SLC35F4: variants seen among roughly 807,000 people sequenced by gnomAD.
SLC35F4 encodes the protein chromosome 14 open reading frame 36.
A neutral mutation model predicts 44.2 loss-of-function variants in SLC35F4; 24 were observed. That is an observed-to-expected ratio of 0.54 (90% confidence interval 0.39 to 0.76). The LOEUF is 0.76. Among genes scored for constraint, SLC35F4 ranks in the 30% least tolerant of loss-of-function variants. The pLI is 0.00. For missense variants in SLC35F4, 562 were observed against 586.1 expected (o/e 0.96, Z 0.42); for synonymous variants, 238 against 223.6 (o/e 1.06, Z -0.57).
chr14:57,914,110 C>T (rs1889269926), intron 1 of SLC35F4, among the ~76,000 whole-genome samples: 2 of 152,096 alleles, frequency 1.3e-5, no homozygotes, highest in South Asian at 2.1e-4. Flanking sequence ...GAGAGAATAC[C>T]ACCAGTGGGT....
chr14:57,890,394 T>G (rs1487383904), intron 1 of SLC35F4, among the ~76,000 whole-genome samples: 1 of 152,176 alleles, frequency 6.6e-6, no homozygotes, highest in Non-Finnish European at 1.5e-5. Context: ...ACAACATAGT[T>G]TTTACAGTAA....
intron 1 of SLC35F4, among the ~76,000 whole-genome samples, chr14:57,679,138 T>C (rs974291217): frequency 3.9e-5 from 6 of 151,912 alleles, no homozygotes; most frequent in African/African-American, 1.5e-4. Flanking sequence ...AACACTCCTC[T>C]GCAAATGCAA....
intron 1 of SLC35F4, among the ~76,000 whole-genome samples, chr14:57,743,503 C>T (rs1448873842): frequency 1.3e-5 from 2 of 152,168 alleles, no homozygotes; most frequent in Admixed American, 6.5e-5. Flanking sequence ...TGGACACATA[C>T]ACCCTCCCAA....
intron 1 of SLC35F4, among the ~76,000 whole-genome samples, chr14:57,614,550 G>T (rs1202188808): frequency 6.6e-6 from 1 of 152,204 alleles, no homozygotes; most frequent in Admixed American, 6.5e-5. Flanking sequence ...CAAAAAGGAT[G>T]AACAAATGAC....
rs58976756 is a variant in SLC35F4 at position 57,945,439 on chromosome 14, ATGTGTGTGTGTGTG to A, written n.282+36460_282+36473del. On this transcript the variant is annotated intron_variant and non_coding_transcript_variant, in intron 1 of 1. Transcript: ENST00000556568. ...TCTTTACCAGGTAAGAGCAATGATA[ATGTGTGTGTGTGTG>A]TGTGTGTGTGTGTGTGTGTGTGTGT... 3.0e-3 allele frequency among the ~76,000 whole-genome samples: 310 copies of A among 104,750 alleles called. 12 individuals carry two copies. Among genetic ancestry groups the A allele is most frequent in the Admixed American group, 0.019 (207 of 11,176 alleles). 68.7% of individuals were successfully genotyped at this position (104,750 alleles called of 152,430 possible).
chr14:57,961,114 G>A (rs930783241), intron 1 of SLC35F4, among the ~76,000 whole-genome samples: 4 of 152,104 alleles, frequency 2.6e-5, no homozygotes, highest in African/African-American at 7.2e-5. Context: ...ATGCTGCGAC[G>A]GAGAGACGTG....
intron 1 of SLC35F4, among the ~76,000 whole-genome samples, chr14:57,884,803 G>A (rs953635564): frequency 2.0e-4 from 31 of 152,094 alleles, no homozygotes; most frequent in African/African-American, 7.2e-4. Context: ...AATAACAACT[G>A]TGCCCTATGC....
At chr14:57,749,882 T>C (rs2076842502) in intron 1 of SLC35F4, among the ~76,000 whole-genome samples, 2 of 152,260 alleles carry the variant, frequency 1.3e-5, no homozygotes, top group Non-Finnish European at 1.5e-5. Flanking sequence ...TGGCCATCTC[T>C]ATTTGAAATC....
intron 1 of SLC35F4, among the ~76,000 whole-genome samples, chr14:57,708,290 C>T (rs547299458): frequency 6.6e-6 from 1 of 152,158 alleles, no homozygotes; most frequent in Non-Finnish European, 1.5e-5. Flanking sequence ...CAAACCTGAC[C>T]AATCAGCACT....
chr14:57,976,323 G>A (rs565874651), downstream of SLC35F4, among the ~76,000 whole-genome samples: 1 of 152,290 alleles, frequency 6.6e-6, no homozygotes, highest in East Asian at 1.9e-4. Context: ...TGGGGGCAGG[G>A]GGAGGCCAGA....
intron 1 of SLC35F4, among the ~76,000 whole-genome samples, chr14:57,959,204 C>G (rs999641107): frequency 6.6e-6 from 1 of 152,144 alleles, no homozygotes; most frequent in African/African-American, 2.4e-5. Flanking sequence ...CAGATTCTTT[C>G]AAAGGTATAA....
intron 1 of SLC35F4, among the ~76,000 whole-genome samples, chr14:57,735,634 C>T (rs557841214): frequency 6.6e-6 from 1 of 152,284 alleles, no homozygotes; most frequent in South Asian, 2.1e-4. Flanking sequence ...CAATGTTCCT[C>T]AAGGCCTCAC....
At chr14:57,592,450 T>C (rs1273898688) in intron 2 of SLC35F4, among the ~76,000 whole-genome samples, 1 of 152,234 alleles carries the variant, frequency 6.6e-6, no homozygotes, top group Non-Finnish European at 1.5e-5. Context: ...GAGTAACTTA[T>C]GTTCCAGATG....
intron 1 of SLC35F4, among the ~76,000 whole-genome samples, chr14:57,963,865 G>A (rs914424848): frequency 2.0e-5 from 3 of 151,858 alleles, no homozygotes; most frequent in African/African-American, 4.8e-5. Context: ...TGAGACTACA[G>A]GCACATGTCA....
chr14:57,569,729 C>A, intron 6 of SLC35F4, 59 bp downstream of exon 6: 1 of 1,447,130 alleles, frequency 6.9e-7, no homozygotes. Context: ...TGATGATAAT[C>A]TAACTAGCCA....
intron 1 of SLC35F4, among the ~76,000 whole-genome samples, chr14:57,954,445 G>A (rs1310216346): frequency 6.6e-6 from 1 of 152,128 alleles, no homozygotes; most frequent in East Asian, 1.9e-4. Flanking sequence ...GAAGGGGATA[G>A]AGACACATAA....
intron 3 of SLC35F4, among the ~76,000 whole-genome samples, chr14:57,584,097 TG>T (rs1188492240): frequency 6.6e-6 from 1 of 152,202 alleles, no homozygotes; most frequent in Admixed American, 6.5e-5. Context: ...AATATGTCTT[TG>T]GCTCCAGTTT....
chr14:57,940,265 T>C (rs1889892337), intron 1 of SLC35F4, among the ~76,000 whole-genome samples: 1 of 152,192 alleles, frequency 6.6e-6, no homozygotes, highest in African/African-American at 2.4e-5. Flanking sequence ...AAAGCAATTC[T>C]CTTGATGAGA....
At chr14:57,856,630 A>C (rs1887128280) in intron 1 of SLC35F4, among the ~76,000 whole-genome samples, 1 of 152,078 alleles carries the variant, frequency 6.6e-6, no homozygotes, top group Non-Finnish European at 1.5e-5. Flanking sequence ...GTATTAACAT[A>C]GACCTTATGT....
Sources: allele counts gnomAD v4.1 joint callset (sites outside exome capture counted in the v4.1 genomes callset), GRCh38; gene constraint gnomAD v4.1.1; transcripts MANE v1.5; gene names NCBI Gene and HGNC (gene_info 2026-07-23, HGNC 2026-07-21).